RAB37: variants seen among roughly 807,000 people sequenced by gnomAD.
RAB37 encodes the protein RAB37, member RAS oncogene family, also known as ras-related protein Rab-37.
A neutral mutation model predicts 33.1 loss-of-function variants in RAB37; 29 were observed. The ratio of observed to expected loss-of-function variants is 0.88; its 90% CI spans 0.65 to 1.20. The LOEUF (loss-of-function observed/expected upper bound fraction) is 1.20. Ranked by LOEUF, RAB37 falls within the 50% of genes most tolerant of loss-of-function variation. The pLI is 0.00. For missense variants in RAB37, 299 were observed against 301.1 expected (o/e 0.99, Z 0.05); for synonymous variants, 128 against 119.5 (o/e 1.07, Z -0.47).
Position 74,698,075 on chromosome 17 carries a change from T to C in RAB37, c.72+26417T>C, listed in dbSNP as rs139487146. The stretch of plus-strand genomic sequence containing the variant: ...AGACTGGACCACCCACCTAAGACCA[T>C]TGCCACCTATGCCATCAAGAGTCAA... On this transcript the variant is annotated intron_variant, in intron 1 of 7. Transcript: ENST00000340415. Among the ~76,000 whole-genome samples the C allele has an allele frequency of 2.7e-4, 41 of 152,120 alleles. No homozygotes were observed. In the East Asian group the frequency reaches 6.4e-3, roughly 24 times the overall value.
chr17:74,678,165 G>A (rs749013546), intron 1 of RAB37, among the ~76,000 whole-genome samples: 5 of 152,126 alleles, frequency 3.3e-5, no homozygotes, highest in Non-Finnish European at 5.9e-5. Context: ...CTGCGAGTGC[G>A]AATGGAGATC....
upstream of RAB37, among the ~76,000 whole-genome samples, chr17:74,734,804 G>A (rs968589125): frequency 6.6e-6 from 1 of 151,348 alleles, no homozygotes; most frequent in Non-Finnish European, 1.5e-5. Flanking sequence ...AGCCAAGATC[G>A]TGCCACTTAC....
intron 1 of RAB37, among the ~76,000 whole-genome samples, chr17:74,739,525 CTT>C (rs1166150273): frequency 1.1e-4 from 15 of 131,292 alleles, no homozygotes; most frequent in South Asian, 2.4e-4. Context: ...TTCATGCAAC[CTT>C]TTTTTTTTTT....
chr17:74,683,830 C>T (rs947376566), intron 1 of RAB37, among the ~76,000 whole-genome samples: 4 of 152,128 alleles, frequency 2.6e-5, no homozygotes, highest in African/African-American at 7.2e-5. Flanking sequence ...GTGGGCAGCA[C>T]CACAGTGGCA....
At chr17:74,697,119 T>C (rs2032559688) in intron 1 of RAB37, among the ~76,000 whole-genome samples, 1 of 152,188 alleles carries the variant, frequency 6.6e-6, no homozygotes, top group African/African-American at 2.4e-5. Context: ...TTTTTTTGCA[T>C]TTTTAGTAGA....
At chr17:74,702,158 A>G (rs576877139) in intron 1 of RAB37, among the ~76,000 whole-genome samples, 72 of 152,288 alleles carry the variant, frequency 4.7e-4, no homozygotes, top group Non-Finnish European at 9.4e-4. Context: ...GGTCCCAGCA[A>G]AAGGAGAACT....
intron 1 of RAB37, among the ~76,000 whole-genome samples, chr17:74,677,868 A>C (rs1052676831): frequency 9.2e-5 from 14 of 152,114 alleles, no homozygotes; most frequent in African/African-American, 3.4e-4. Context: ...TCCTCTCCTA[A>C]GCATCCTTTC....
At chr17:74,739,927 C>T (rs1296788004) in intron 1 of RAB37, among the ~76,000 whole-genome samples, 1 of 151,666 alleles carries the variant, frequency 6.6e-6, no homozygotes, top group African/African-American at 2.4e-5. Flanking sequence ...GAGGCTGAGG[C>T]GGGCGGATCA....
intron 1 of RAB37, chr17:74,677,537 G>C (rs900089192): frequency 3.9e-5 from 6 of 152,182 alleles, no homozygotes; most frequent in African/African-American, 1.4e-4. Flanking sequence ...AATTCTCAAA[G>C]ATTTCTATTG....
intron 1 of RAB37, among the ~76,000 whole-genome samples, chr17:74,690,158 C>G (rs752066222): frequency 1.3e-5 from 2 of 151,974 alleles, no homozygotes; most frequent in Admixed American, 6.6e-5. Flanking sequence ...TGTAGGCCTC[C>G]CTATGTTGCT....
At position 74,742,998 on chromosome 17, in the gene RAB37, A is replaced by C; in HGVS notation, c.247-131A>C. 1 of 763,272 alleles carries C rather than the reference A, an allele frequency of 1.3e-6. No homozygotes were observed. Among genetic ancestry groups the C allele is most frequent in the South Asian group, 1.6e-5 (1 of 61,354 alleles). 47.3% of individuals were successfully genotyped at this position (763,272 alleles called of 1,614,324 possible). On this transcript the variant is annotated intron_variant, in intron 3 of 8. Coordinates refer to ENST00000392613, the MANE Select transcript of RAB37 (RefSeq NM_001006638.3). The surrounding 1 kb of genome is among the most constrained non-coding windows in gnomAD (Gnocchi z 4.0). ...CAGGTCATTGGATGCTCAGGGGCTC[A>C]TGAGAACCTAAAGAAGAAAACAGCC...
At position 74,723,868 on chromosome 17, in the gene RAB37, C is replaced by T. The variant is rs376043456; in HGVS notation, c.73-5388C>T. Among the ~76,000 whole-genome samples the T allele has an allele frequency of 2.0e-5, 3 of 151,962 alleles. No homozygotes were observed. In the South Asian group the frequency reaches 6.2e-4, roughly 32 times the overall value. Reference sequence around the variant, plus strand: ...GGATTACAGGCATGAGCCACCGCACCCGGCCGTAACATTTTCATAAATGCG... The same window carrying T: ...GGATTACAGGCATGAGCCACCGCACTCGGCCGTAACATTTTCATAAATGCG... On this transcript the variant is annotated intron_variant, in intron 1 of 7. Coordinates refer to the RAB37 transcript ENST00000340415.
intron 1 of RAB37, chr17:74,698,560 G>T: frequency 6.5e-7 from 1 of 1,535,598 alleles, no homozygotes. Context: ...CCCAGCAGCA[G>T]GGGAGGGCCA....
At position 74,729,310 on chromosome 17, in the gene RAB37, G is replaced by C. The variant is rs767168636; in HGVS notation, c.127G>C (p.Asp43His). The C allele has an allele frequency of 1.1e-5, 17 of 1,613,944 alleles. No individual in the cohort carries two copies. The East Asian group carries it at 1.3e-4, about 13-fold the overall frequency. ...AAAGACGTCTCTGCTGGTTCAGTTC[G>C]ATCAGGGCAAGTTCATCCCCGGCTC... The change falls in exon 2 of 8, where the codon GAT (aspartate) becomes CAT (histidine). Residue 43 changes from aspartate (D) to histidine (H), a missense_variant. By Grantham distance (81) the Asp-to-His change is moderately conservative. Coordinates refer to the RAB37 transcript ENST00000340415. The surrounding 1 kb of genome is among the most constrained non-coding windows in gnomAD (Gnocchi z 4.2).
Position 74,691,084 on chromosome 17 carries a change from T to A in RAB37, c.72+19426T>A, listed in dbSNP as rs554131188. 3.9e-5 allele frequency among the ~76,000 whole-genome samples: 6 copies of A among 152,160 alleles called. No individual in the cohort carries two copies. The East Asian group carries it at 9.7e-4, about 24-fold the overall frequency. On this transcript the variant is annotated intron_variant, in intron 1 of 7. Coordinates refer to the RAB37 transcript ENST00000340415. ...CAGACGCCTGGCTAATTTTTTTAAT[T>A]TTTTTGTAGAGATAGCAATCCTCAA...
chr17:74,690,563 A>C (rs141348878), intron 1 of RAB37, among the ~76,000 whole-genome samples: 44 of 152,258 alleles, frequency 2.9e-4, no homozygotes, highest in African/African-American at 1.0e-3. Flanking sequence ...CCCAGATACA[A>C]ATCTATAGAC....
In RAB37 at chr17:74,704,327, C is replaced by G. The variant is rs1356524496; in HGVS notation, c.73-24929C>G. The G allele has an allele frequency of 6.3e-6, 4 of 632,552 alleles. No homozygotes were observed. In the East Asian group the frequency reaches 1.1e-4, roughly 17 times the overall value. The allele number at this position is 632,552 out of a possible 1,614,324, so 39.2% of individuals were successfully genotyped here. A position where few individuals can be genotyped will look rare whatever the true frequency, so the allele number is the denominator to read the frequency against. Reference sequence around the variant, plus strand: ...GGGGGCATTGAAGAGAGGCCCTGCTCCCCCAGTCCCAGGTGGTCAGTCAGG... The same window carrying G: ...GGGGGCATTGAAGAGAGGCCCTGCTGCCCCAGTCCCAGGTGGTCAGTCAGG... On this transcript the variant is annotated intron_variant, in intron 1 of 7. Transcript: ENST00000340415.
chr17:74,703,286 C>G, intron 1 of RAB37: 1 of 632,704 alleles, frequency 1.6e-6, no homozygotes, highest in Non-Finnish European at 2.7e-6. Context: ...CCACTCATGT[C>G]TCCCTGGTCT....
chr17:74,681,373 A>C (rs1040582359), intron 1 of RAB37, among the ~76,000 whole-genome samples: 1 of 152,162 alleles, frequency 6.6e-6, no homozygotes, highest in Admixed American at 6.5e-5. Flanking sequence ...CCCTCAACAC[A>C]GGGATCCCTT....
Sources: gnomAD v4.1 joint callset for allele counts (sites outside exome capture counted in the v4.1 genomes callset) on GRCh38, gnomAD v4.1.1 for gene constraint, Gnocchi (gnomAD v3.1) non-coding constraint, MANE v1.5 for transcripts, NCBI Gene and HGNC (gene_info 2026-07-23, HGNC 2026-07-21) for gene names.